The following REC114 variants were observed in gnomAD, a reference collection of about 807,000 sequenced individuals.
The protein encoded by REC114 is REC114 meiotic recombination protein.
REC114 carries 27 observed loss-of-function variants against 31.3 expected under a neutral mutation model. The observed-to-expected ratio is 0.86, with a 90% CI of 0.64 to 1.19. The LOEUF (loss-of-function observed/expected upper bound fraction) is 1.19. REC114 is among the 50% of genes most tolerant of loss of function. The pLI, the probability that REC114 is intolerant of heterozygous loss-of-function variation, is 0.00. For missense variants in REC114, 344 were observed against 326.9 expected, an observed-to-expected ratio of 1.05 and a Z score of -0.40; for synonymous variants, 134 against 127.7, an observed-to-expected ratio of 1.05 and a Z score of -0.33.
chr15:73,452,067 CTG>C (rs2151251328), intron 1 of REC114, among the ~76,000 whole-genome samples: 1 of 152,278 alleles, frequency 6.6e-6, no homozygotes, highest in East Asian at 1.9e-4. Context: ...CCTTTGATAA[CTG>C]GTACAAGACA....
intron 1 of REC114, among the ~76,000 whole-genome samples, chr15:73,456,017 T>G (rs1378025453): frequency 3.3e-5 from 5 of 152,176 alleles, no homozygotes; most frequent in Admixed American, 3.3e-4. Flanking sequence ...TATAGAGTTA[T>G]GAGGTAAGGC....
At chr15:73,452,518 A>G (rs1307595877) in intron 1 of REC114, among the ~76,000 whole-genome samples, 1 of 152,246 alleles carries the variant, frequency 6.6e-6, no homozygotes, top group Non-Finnish European at 1.5e-5. Context: ...TTCCATGCTC[A>G]TGGATAGGCA....
intron 2 of REC114, among the ~76,000 whole-genome samples, chr15:73,478,592 G>A (rs1893249110): frequency 6.6e-6 from 1 of 152,018 alleles, no homozygotes; most frequent in African/African-American, 2.4e-5. Flanking sequence ...ATAAATTTTA[G>A]AATGACATTT....
At chr15:73,556,759 A>G (rs1894474373) in intron 5 of REC114, among the ~76,000 whole-genome samples, 2 of 152,016 alleles carry the variant, frequency 1.3e-5, no homozygotes, top group South Asian at 4.2e-4. Context: ...TTTTAAGACA[A>G]ATATCAAAAT....
At chr15:73,450,597 A>T (rs1326503290) in intron 1 of REC114, among the ~76,000 whole-genome samples, 2 of 152,222 alleles carry the variant, frequency 1.3e-5, no homozygotes, top group Non-Finnish European at 2.9e-5. Context: ...ATTAACAAGG[A>T]TATCCAGGAC....
At position 73,443,347 on chromosome 15, in the gene REC114, G is replaced by A; in HGVS notation, c.159+3G>A. On this transcript the variant is annotated splice_donor_region_variant and intron_variant, in intron 1 of 5. Coordinates refer to ENST00000331090, the MANE Select transcript of REC114 (RefSeq NM_001042367.2). The stretch of plus-strand genomic sequence containing the variant: ...CAGCCCCCTGCCCCACATGGAAGGT[G>A]AGGCCCGAAGGCAGGAATATCCCTG... 1 of 1,565,726 alleles carries A rather than the reference G, an allele frequency of 6.4e-7. No homozygotes were observed. The highest frequency in any genetic ancestry group is 8.6e-7 in the Non-Finnish European group (1 of 1,156,856).
At position 73,444,755 on chromosome 15, in the gene REC114, A is replaced by G. The variant is rs140746446; in HGVS notation, c.159+1411A>G. ...GGTGAATCCTTTTCAGATGTTTTCT[A>G]TTAACTGCCCAGATCCATCAGAGGA... is the stretch of plus-strand genomic sequence containing the variant. On this transcript the variant is annotated intron_variant, in intron 1 of 5. Coordinates refer to ENST00000331090, the MANE Select transcript of REC114 (RefSeq NM_001042367.2). 4.9e-3 allele frequency among the ~76,000 whole-genome samples: 754 copies of G among 152,328 alleles called. 6 individuals are homozygous for G. The highest frequency in any genetic ancestry group is 0.017 in the African/African-American group (715 of 41,572).
chr15:73,531,509 T>G (rs1894082105), intron 2 of REC114, among the ~76,000 whole-genome samples: 1 of 152,146 alleles, frequency 6.6e-6, no homozygotes, highest in Non-Finnish European at 1.5e-5. Flanking sequence ...TGAAGTGTAG[T>G]GTGGCGCCCC....
At chr15:73,554,460 T>C (rs1370480953) in intron 4 of REC114, among the ~76,000 whole-genome samples, 1 of 152,206 alleles carries the variant, frequency 6.6e-6, no homozygotes, top group Non-Finnish European at 1.5e-5. Context: ...TCTTTGCAAA[T>C]AGAGATAATT....
At chr15:73,485,256 G>A (rs1893349388) in intron 2 of REC114, among the ~76,000 whole-genome samples, 1 of 152,064 alleles carries the variant, frequency 6.6e-6, no homozygotes, top group African/African-American at 2.4e-5. Flanking sequence ...GCTAAGTTTT[G>A]TATTTTTAGT....
chr15:73,496,351 CAAAAAAAAA>C (rs539098846), intron 2 of REC114, among the ~76,000 whole-genome samples: 2 of 20,508 alleles, frequency 9.8e-5, no homozygotes, highest in African/African-American at 1.5e-4. Context: ...GACTCCTTCT[CAAAAAAAAA>C]AAAAAAAAAA....
At chr15:73,450,216 C>T (rs1191542672) in intron 1 of REC114, among the ~76,000 whole-genome samples, 1 of 152,026 alleles carries the variant, frequency 6.6e-6, no homozygotes, top group Admixed American at 6.5e-5. Context: ...AGTCAAGACC[C>T]ATCAGTGTGC....
At chr15:73,489,982 C>A (rs1166070261) in intron 2 of REC114, among the ~76,000 whole-genome samples, 2 of 152,154 alleles carry the variant, frequency 1.3e-5, no homozygotes, top group Admixed American at 1.3e-4. Flanking sequence ...AGTGAGGTGA[C>A]CACCCATGAC....
intron 2 of REC114, among the ~76,000 whole-genome samples, chr15:73,480,127 T>C (rs1209206909): frequency 1.3e-5 from 2 of 152,174 alleles, no homozygotes; most frequent in Non-Finnish European, 2.9e-5. Context: ...ATAGTAGCCA[T>C]CCTAAGAAGT....
chr15:73,508,105 C>G lies in REC114; in HGVS notation c.250-32380C>G, dbSNP rs1787882851. On this transcript the variant is annotated intron_variant, in intron 2 of 5. Transcript: ENST00000331090. ...TTCTTCTTGTTTTCTGTCTTCAGCT[C>G]TAAACTACAAGCTCTCTGAGGTCAG... Among the ~76,000 whole-genome samples the G allele has an allele frequency of 2.0e-5, 3 of 152,210 alleles. No homozygotes were observed. In the South Asian group the frequency reaches 6.2e-4, roughly 32 times the overall value.
At chr15:73,535,416 C>G (rs996165259) in intron 2 of REC114, among the ~76,000 whole-genome samples, 3 of 119,892 alleles carry the variant, frequency 2.5e-5, no homozygotes, top group African/African-American at 8.0e-5. Flanking sequence ...TGAGTGAACT[C>G]CATTCACAAT....
intron 3 of REC114, among the ~76,000 whole-genome samples, chr15:73,543,406 C>T (rs889778839): frequency 2.0e-5 from 3 of 152,140 alleles, no homozygotes; most frequent in African/African-American, 7.2e-5. Context: ...GATCTCAGCT[C>T]ACTGCAACCT....
chr15:73,508,769 T>C (rs1182087798), intron 2 of REC114, among the ~76,000 whole-genome samples: 1 of 151,470 alleles, frequency 6.6e-6, no homozygotes, highest in African/African-American at 2.4e-5. Flanking sequence ...ACAAAGGACG[T>C]GAACTCATCA....
intron 3 of REC114, 137 bp from the exon 4 acceptor site, chr15:73,550,801 C>CT: frequency 1.4e-6 from 1 of 733,282 alleles, no homozygotes; most frequent in Non-Finnish European, 2.3e-6. Flanking sequence ...TCTATGCCTG[C>CT]ATCAATAAGT....
Sources: allele counts gnomAD v4.1 joint callset (sites outside exome capture counted in the v4.1 genomes callset), GRCh38; gene constraint gnomAD v4.1.1; transcripts MANE v1.5; gene names NCBI Gene and HGNC (gene_info 2026-07-23, HGNC 2026-07-21).